Variants in MICAL1 observed in about 807,000 individuals in gnomAD.
MICAL1 encodes microtubule associated monooxygenase, calponin and LIM domain containing 1, also known as [F-actin]-monooxygenase MICAL1.
Under a neutral mutation model 131.8 loss-of-function variants are expected in MICAL1, and 95 were observed. The observed-to-expected ratio is 0.72, with a 90% CI of 0.61 to 0.86. The LOEUF (loss-of-function observed/expected upper bound fraction) is 0.86, where lower values mean the gene tolerates loss of function less well. Among genes scored for constraint, MICAL1 ranks in the 40% least tolerant of loss-of-function variants. The pLI is 0.00. For synonymous variants in MICAL1, 546 were observed against 554.2 expected, an observed-to-expected ratio of 0.99 and a Z score of 0.21; for missense variants, 1,292 against 1,380.6, an observed-to-expected ratio of 0.94 and a Z score of 1.02.
Position 109,454,158 on chromosome 6 carries a change from G to C in MICAL1, c.39C>G (p.His13Gln). The change falls in exon 2 of 25, where the codon CAC becomes CAG. Residue 13 changes from histidine to glutamine, a missense_variant. His to Gln is a conservative substitution (Grantham distance 24). Coordinates refer to ENST00000358807, the MANE Select transcript of MICAL1 (RefSeq NM_022765.4). ...GCTGGGCCTGCAGGAAGCTCTCAAAGTGGGCATGCGCTGGGTTGGTGGAGG... is the reference window on the plus strand; with the variant it reads ...GCTGGGCCTGCAGGAAGCTCTCAAACTGGGCATGCGCTGGGTTGGTGGAGG... ...SPTSTNPAHA[H>Q]FESFLQAQLC... 1 of 1,611,050 alleles carries C rather than the reference G, an allele frequency of 6.2e-7. No individual in the cohort carries two copies. Among genetic ancestry groups the C allele is most frequent in the Non-Finnish European group, 8.5e-7 (1 of 1,178,888 alleles).
At chr6:109,452,737 A>G (rs751149833) in intron 4 of MICAL1, 122 bp from the exon 5 acceptor site, 20 of 696,348 alleles carry the variant, frequency 2.9e-5, no homozygotes, top group Non-Finnish European at 4.8e-5. Context: ...AAGCAATGAT[A>G]TATTATCTAT....
upstream of MICAL1, among the ~76,000 whole-genome samples, chr6:109,458,948 G>A (rs1273501652): frequency 6.6e-6 from 1 of 152,212 alleles, no homozygotes; most frequent in African/African-American, 2.4e-5. Flanking sequence ...ATGAGAGGAT[G>A]TGACAACATG....
intron 4 of MICAL1, 148 bp downstream of exon 4, chr6:109,453,115 A>G (rs1246477594): frequency 1.6e-6 from 1 of 627,214 alleles, no homozygotes; most frequent in Non-Finnish European, 2.8e-6. Context: ...AGCCGAGATC[A>G]TGCCACTGCA....
intron 1 of MICAL1, 122 bp from the exon 2 acceptor site, chr6:109,454,361 C>T: frequency 1.0e-6 from 1 of 977,486 alleles, no homozygotes. Flanking sequence ...ATTGGCTCTG[C>T]TCCTCCCAGC....
chr6:109,445,245 G>C lies in MICAL1; in HGVS notation c.2833C>G (p.Leu945Val). ...TCCAGCTTCACGCCCTCGGCCTCTAGCTCCCTCAAGGCAGCCTCAATCTCA... is the reference window on the plus strand; with the variant it reads ...TCCAGCTTCACGCCCTCGGCCTCTACCTCCCTCAAGGCAGCCTCAATCTCA... ...LNEIEAALRELEAEGVKLELA... is the reference protein window; with the variant it reads ...LNEIEAALREVEAEGVKLELA... The change falls in exon 22 of 25, where the codon CTA becomes GTA. Residue 945 changes from leucine (L) to valine (V), a missense_variant. By Grantham distance (32) the Leu-to-Val change is conservative. Coordinates refer to ENST00000358807, the MANE Select transcript of MICAL1 (RefSeq NM_022765.4). 1 of 1,614,070 alleles carries C rather than the reference G, an allele frequency of 6.2e-7. No individual in the cohort carries two copies. The highest frequency in any genetic ancestry group is 2.2e-5 in the East Asian group (1 of 44,880).
intron 3 of MICAL1, 41 bp downstream of exon 3, chr6:109,453,597 C>T (rs201720608): frequency 6.4e-7 from 1 of 1,552,338 alleles, no homozygotes; most frequent in East Asian, 2.4e-5. Context: ...GCCTCTAGGC[C>T]CAAGCTCACC....
At chr6:109,445,556 A>T (rs1775174453) in intron 20 of MICAL1, 27 bp from the exon 21 acceptor site, 1 of 1,608,932 alleles carries the variant, frequency 6.2e-7, no homozygotes, top group Non-Finnish European at 8.5e-7. Context: ...CCAGTCAGGG[A>T]TAGGGCCTGG....
intron 24 of MICAL1, 94 bp from the exon 25 acceptor site, chr6:109,444,433 C>A (rs886805468): frequency 1.3e-6 from 2 of 1,557,318 alleles, no homozygotes; most frequent in Non-Finnish European, 1.7e-6. Flanking sequence ...TTCTATAACC[C>A]GGGCTTTGTT....
upstream of MICAL1, among the ~76,000 whole-genome samples, chr6:109,457,534 TCCA>T (rs1466979603): frequency 0.063 from 2,132 of 33,916 alleles, 57 homozygotes; most frequent in African/African-American, 0.45. Flanking sequence ...GTCCTTGAGA[TCCA>T]GAGACCATAA....
chr6:109,448,620 C>G, intron 12 of MICAL1, 112 bp downstream of exon 12: 1 of 1,477,568 alleles, frequency 6.8e-7, no homozygotes, highest in Non-Finnish European at 9.3e-7. Context: ...GCATTAGAGT[C>G]TCACAAGACT....
At chr6:109,450,580 C>A in intron 7 of MICAL1, 23 bp from the exon 8 acceptor site, 1 of 1,582,538 alleles carries the variant, frequency 6.3e-7, no homozygotes. Flanking sequence ...CAGAGCAGAA[C>A]CTCAGAGACC....
At position 109,448,458 on chromosome 6, in the gene MICAL1, GGCA is replaced by G. The variant is rs1299469957; in HGVS notation, c.1665-68_1665-66del. ...ACCTAGCCCCACTGAGGGGAGGAAG[GGCA>G]GCAGGAGGGGAGGGACAGCAAGCAG... On this transcript the variant is annotated intron_variant, in intron 12 of 24. Coordinates refer to ENST00000358807, the MANE Select transcript of MICAL1 (RefSeq NM_022765.4). 2.2e-5 allele frequency: 35 copies of G among 1,564,278 alleles called. No homozygotes were observed. The Middle Eastern group carries it at 1.3e-3, about 60-fold the overall frequency.
At chr6:109,452,765 G>A (rs1775597744) in intron 4 of MICAL1, 150 bp from the exon 5 acceptor site, 1 of 621,260 alleles carries the variant, frequency 1.6e-6, no homozygotes, top group Non-Finnish European at 2.8e-6. Context: ...CACCTTCACA[G>A]CAGCTATGGA....
At chr6:109,446,902 C>A in intron 17 of MICAL1, 130 bp from the exon 18 acceptor site, 1 of 1,233,590 alleles carries the variant, frequency 8.1e-7, no homozygotes, top group East Asian at 2.5e-5. Context: ...CCTCCTGTTC[C>A]TCAGAACCAC....
chr6:109,456,755 A>T (rs1775762483), upstream of MICAL1, among the ~76,000 whole-genome samples: 1 of 152,222 alleles, frequency 6.6e-6, no homozygotes, highest in Non-Finnish European at 1.5e-5. Flanking sequence ...ATTGACCGTC[A>T]TCCTATGAGT....
At chr6:109,448,955 G>A in intron 11 of MICAL1, 76 bp from the exon 12 acceptor site, 1 of 1,574,716 alleles carries the variant, frequency 6.4e-7, no homozygotes, top group East Asian at 2.3e-5. Flanking sequence ...GCTGCTGCAT[G>A]TGGGGGTTCT....
chr6:109,454,026 G>A lies in MICAL1; in HGVS notation c.171C>T (p.Tyr57=), dbSNP rs534874522. ...QYHKIKDQLN[Y]WSAKSLWTKL... is the part of the protein sequence containing the mutation. Reference sequence around the variant, plus strand: ...TGGTCCACAGTGACTTGGCGCTCCAGTAGTTGAGCTGGTCCTTGATCTTGT... The same window carrying A: ...TGGTCCACAGTGACTTGGCGCTCCAATAGTTGAGCTGGTCCTTGATCTTGT... Residue 57 remains tyrosine (Y), a synonymous_variant, in exon 2 of 25, where the codon TAC becomes TAT. Transcript: ENST00000358807. The A allele has an allele frequency of 1.2e-6, 2 of 1,614,166 alleles. No homozygotes were observed. Among genetic ancestry groups the A allele is most frequent in the Admixed American group, 3.3e-5 (2 of 60,036 alleles).
At chr6:109,459,642 T>C (rs187619066), upstream of MICAL1, among the ~76,000 whole-genome samples, 38 of 152,308 alleles carry the variant, frequency 2.5e-4, no homozygotes, top group African/African-American at 8.4e-4. Flanking sequence ...TATGATTTCA[T>C]AGATTCTGAG....
At chr6:109,460,748 C>T (rs1775867425), upstream of MICAL1, among the ~76,000 whole-genome samples, 1 of 152,088 alleles carries the variant, frequency 6.6e-6, no homozygotes, top group African/African-American at 2.4e-5. Flanking sequence ...AGTTTTCTTT[C>T]AATTCTTAAG....
Sources: allele counts gnomAD v4.1 joint callset (sites outside exome capture counted in the v4.1 genomes callset), GRCh38; gene constraint gnomAD v4.1.1; transcripts MANE v1.5; gene names NCBI Gene and HGNC (gene_info 2026-07-23, HGNC 2026-07-21).